The following SECISBP2L variants were observed in gnomAD, a reference collection of about 807,000 sequenced individuals.
The protein encoded by SECISBP2L is selenocysteine insertion sequence-binding protein 2-like.
In SECISBP2L, 43 loss-of-function variants were observed where a neutral mutation model predicts 114.7. That is an observed-to-expected ratio of 0.38 (90% CI 0.29 to 0.48). The LOEUF is 0.48. SECISBP2L is among the 20% of genes least tolerant of loss of function. The pLI is 0.98. For synonymous variants in SECISBP2L, 451 were observed against 439.7 expected (o/e 1.03, Z -0.32); for missense variants, 1,136 against 1,301.1 (o/e 0.87, Z 1.95).
chr15:49,036,078 T>A (rs1422189456), intron 2 of SECISBP2L, among the ~76,000 whole-genome samples: 1 of 152,200 alleles, frequency 6.6e-6, no homozygotes, highest in African/African-American at 2.4e-5. Context: ...TGTAAGGTGA[T>A]CTTTACATAG....
At chr15:49,000,692 T>C (rs1902185328) in intron 15 of SECISBP2L, among the ~76,000 whole-genome samples, 185 bp downstream of exon 15, 1 of 152,214 alleles carries the variant, frequency 6.6e-6, no homozygotes, top group South Asian at 2.1e-4. Context: ...GAGGATTTTA[T>C]TTACAATCCA....
intron 12 of SECISBP2L, 57 bp from the exon 13 acceptor site, chr15:49,011,920 G>A: frequency 6.3e-7 from 1 of 1,575,872 alleles, no homozygotes; most frequent in Non-Finnish European, 8.7e-7. Flanking sequence ...GTGTACAAAT[G>A]ATGACAATAT....
chr15:49,044,000 G>A (rs1793825013), intron 1 of SECISBP2L, among the ~76,000 whole-genome samples: 4 of 151,718 alleles, frequency 2.6e-5, no homozygotes, highest in East Asian at 3.9e-4. Flanking sequence ...AAGTACACAA[G>A]GATTTAATTA....
chr15:49,002,092 C>G (rs1204961399), intron 14 of SECISBP2L, among the ~76,000 whole-genome samples: 1 of 152,146 alleles, frequency 6.6e-6, no homozygotes, highest in Non-Finnish European at 1.5e-5. Flanking sequence ...TAAAAGCATT[C>G]CTATTTCTCC....
rs1256285943 is a variant in SECISBP2L, at chr15:48,991,085, T to TAATCTA, written c.*1158_*1159insTAGATT. The TAATCTA allele has an allele frequency of 6.6e-6, 1 of 152,236 alleles. No homozygotes were observed. The highest frequency in any genetic ancestry group is 1.5e-5 in the Non-Finnish European group (1 of 68,048). The allele number at this position is 152,236 out of a possible 1,614,324, so 9.4% of individuals were successfully genotyped here. ...TAGAGAATTAATACCTACATATCTG[T>TAATCTA]ATACTCTAAATCATCTAATAGTTTC... is the stretch of plus-strand genomic sequence containing the variant. On this transcript the variant is annotated 3_prime_UTR_variant, in exon 18 of 18. Transcript: ENST00000559471.
chr15:49,005,981 G>C (rs1448271642), intron 14 of SECISBP2L, among the ~76,000 whole-genome samples: 1 of 152,086 alleles, frequency 6.6e-6, no homozygotes, highest in Non-Finnish European at 1.5e-5. Context: ...TTACTTGTCT[G>C]TATAGGATTT....
At chr15:49,044,173 T>C (rs1903196250) in intron 1 of SECISBP2L, among the ~76,000 whole-genome samples, 1 of 152,128 alleles carries the variant, frequency 6.6e-6, no homozygotes, top group African/African-American at 2.4e-5. Flanking sequence ...GAAAAAAACA[T>C]TCTGTGAGGA....
intron 5 of SECISBP2L, 123 bp from the exon 6 acceptor site, chr15:49,028,291 C>T: frequency 1.0e-6 from 1 of 978,224 alleles, no homozygotes. Flanking sequence ...CATACTTCTT[C>T]ATAAATGAAT....
Position 48,992,944 on chromosome 15 carries a change from AT to A in SECISBP2L, c.2624-19del, listed in dbSNP as rs1257912901. ...ATTTGTTTCTACAAGTATCAAGCAGATTTTTTAAAAACCAGAACACTGTTTC... is the reference window on the plus strand; with the variant it reads ...ATTTGTTTCTACAAGTATCAAGCAGATTTTTAAAAACCAGAACACTGTTTC... On this transcript the variant is annotated intron_variant, in intron 17 of 17. Transcript: ENST00000559471. 6 of 1,591,560 alleles carry A rather than the reference AT, an allele frequency of 3.8e-6. No homozygotes were observed. Among genetic ancestry groups the A allele is most frequent in the Non-Finnish European group, 5.1e-6 (6 of 1,167,876 alleles).
intron 1 of SECISBP2L, among the ~76,000 whole-genome samples, chr15:49,039,556 G>A (rs924125367): frequency 1.0e-4 from 15 of 143,216 alleles, no homozygotes; most frequent in Middle Eastern, 3.6e-3. Flanking sequence ...ACAGGGTCTC[G>A]CTCTGTCACG....
intron 11 of SECISBP2L, among the ~76,000 whole-genome samples, chr15:49,015,086 A>T (rs913911429): frequency 3.3e-5 from 5 of 152,060 alleles, no homozygotes; most frequent in Non-Finnish European, 5.9e-5. Flanking sequence ...TCTAATTCTC[A>T]AGACAATCCT....
intron 15 of SECISBP2L, among the ~76,000 whole-genome samples, chr15:49,000,646 G>A (rs1902183817): frequency 1.3e-5 from 2 of 152,158 alleles, no homozygotes; most frequent in African/African-American, 4.8e-5. Flanking sequence ...GACAGTTGGT[G>A]GGCCAAACTG....
chr15:49,034,861 G>C (rs1902973253), intron 3 of SECISBP2L, among the ~76,000 whole-genome samples: 2 of 151,678 alleles, frequency 1.3e-5, no homozygotes, highest in Admixed American at 6.6e-5. Context: ...ATGGGGTTTC[G>C]CATGTTGCCC....
intron 14 of SECISBP2L, among the ~76,000 whole-genome samples, chr15:49,003,518 G>A (rs1164956326): frequency 1.3e-5 from 2 of 152,270 alleles, no homozygotes; most frequent in South Asian, 2.1e-4. Flanking sequence ...TCTTGTGCTG[G>A]TTTTCAAAGG....
chr15:49,028,760 G>A (rs1235460491), intron 4 of SECISBP2L, 78 bp from the exon 5 acceptor site: 4 of 1,218,470 alleles, frequency 3.3e-6, no homozygotes, highest in African/African-American at 3.0e-5. Context: ...CATTAAGATT[G>A]TAAGAAAATA....
At chr15:49,022,312 G>T (rs1266308662) in intron 7 of SECISBP2L, among the ~76,000 whole-genome samples, 1 of 152,084 alleles carries the variant, frequency 6.6e-6, no homozygotes, top group African/African-American at 2.4e-5. Flanking sequence ...ACAAAAAAAC[G>T]ATTCAAGCCA....
At chr15:49,041,541 C>G (rs1167835754) in intron 1 of SECISBP2L, among the ~76,000 whole-genome samples, 1 of 152,136 alleles carries the variant, frequency 6.6e-6, no homozygotes, top group Non-Finnish European at 1.5e-5. Flanking sequence ...GGAAAATGGG[C>G]AAACATTACC....
chr15:49,031,144 G>T (rs1902881239), intron 4 of SECISBP2L, among the ~76,000 whole-genome samples: 1 of 148,430 alleles, frequency 6.7e-6, no homozygotes, highest in Non-Finnish European at 1.5e-5. Context: ...CGCCTACCAG[G>T]TTCAAGTGAT....
chr15:49,037,797 T>C (rs1903044186), intron 1 of SECISBP2L, 28 bp from the exon 2 acceptor site: 1 of 1,558,640 alleles, frequency 6.4e-7, no homozygotes, highest in Non-Finnish European at 8.7e-7. Flanking sequence ...AATACATTAA[T>C]AACAAATGAG....
Sources: gnomAD v4.1 joint callset for allele counts (sites outside exome capture counted in the v4.1 genomes callset) on GRCh38, gnomAD v4.1.1 for gene constraint, MANE v1.5 for transcripts, NCBI Gene and HGNC (gene_info 2026-07-23, HGNC 2026-07-21) for gene names.